The following NXNL2 variants were observed in gnomAD, a reference collection of about 807,000 sequenced individuals.
NXNL2 encodes nucleoredoxin like 2.
NXNL2 carries 7 observed loss-of-function variants against 11.1 expected under a neutral mutation model. The observed-to-expected ratio is 0.63, with a 90% CI of 0.36 to 1.18. NXNL2 has a LOEUF of 1.18. Ranked by LOEUF, NXNL2 falls within the 50% of genes most tolerant of loss-of-function variation. The pLI is 0.02. For synonymous variants in NXNL2, 109 were observed against 101.8 expected (o/e 1.07, Z -0.42); for missense variants, 233 against 217.7 (o/e 1.07, Z -0.44).
exon 3 of NXNL2, chr9:88,575,188 G>A (rs368227854): frequency 4.1e-6 from 4 of 984,040 alleles, no homozygotes; most frequent in South Asian, 4.7e-5. Context: ...TGCATTCTGC[G>A]AGTCTGTGCT....
In NXNL2 at chr9:88,554,876, C is replaced by T. The variant is rs191785115; in HGVS notation, c.303-16211C>T. Among the ~76,000 whole-genome samples the T allele has an allele frequency of 1.6e-4, 24 of 152,286 alleles. No homozygotes were observed. In the East Asian group the frequency reaches 3.7e-3, roughly 23 times the overall value. The stretch of plus-strand genomic sequence containing the variant: ...GAACTTAAGCCTGGAGACTGAGTCA[C>T]GTAGCATGTTGTTTGCAATTCTGCT... On this transcript the variant is annotated intron_variant, in intron 1 of 2. Transcript: ENST00000375855.
At chr9:88,580,407 G>A (rs1830396071), downstream of NXNL2, among the ~76,000 whole-genome samples, 2 of 151,896 alleles carry the variant, frequency 1.3e-5, no homozygotes, top group African/African-American at 2.4e-5. Flanking sequence ...CACCTGCCTC[G>A]GTCTTCCAAA....
At chr9:88,575,273 AGC>A (rs1830333658) in exon 3 of NXNL2, 1 of 521,206 alleles carries the variant, frequency 1.9e-6, no homozygotes, top group South Asian at 8.6e-5. Context: ...AGGAAAAGGA[AGC>A]CAGTATATTG....
In NXNL2 at chr9:88,572,222, C is replaced by T. The variant is rs553214466; in HGVS notation, c.*16+1014C>T. The stretch of plus-strand genomic sequence containing the variant: ...TGGGGCGTGCACTCATTCATTCACT[C>T]GATTGTATTACTGGGGGCTTTCTCT... On this transcript the variant is annotated intron_variant, in intron 2 of 2. Coordinates refer to the NXNL2 transcript ENST00000375855. Among the ~76,000 whole-genome samples, 4 of 152,252 alleles carry T rather than the reference C, an allele frequency of 2.6e-5. No homozygotes were observed. In the East Asian group the frequency reaches 7.7e-4, roughly 29 times the overall value.
intron 1 of NXNL2, among the ~76,000 whole-genome samples, chr9:88,566,995 T>TCTATCTATCTATCTATCTATCTAC (rs1554706805): frequency 0.034 from 5,175 of 150,330 alleles, 220 homozygotes; most frequent in African/African-American, 0.095. Context: ...TATCTATCTA[T>TCTATCTATCTATCTATCTATCTAC]CTATCTATCT....
downstream of NXNL2, among the ~76,000 whole-genome samples, chr9:88,577,064 G>T (rs1478253903): frequency 6.6e-6 from 1 of 152,122 alleles, no homozygotes; most frequent in Non-Finnish European, 1.5e-5. Flanking sequence ...AGGTGTCCTG[G>T]CCATGAGGAG....
intron 1 of NXNL2, among the ~76,000 whole-genome samples, chr9:88,568,130 G>A (rs1323610738): frequency 2.0e-5 from 3 of 152,172 alleles, no homozygotes; most frequent in Admixed American, 6.5e-5. Flanking sequence ...AGATGATCAA[G>A]TACACAGAAT....
At chr9:88,580,963 C>T (rs576987094) in intron 1 of NXNL2, among the ~76,000 whole-genome samples, 1 of 152,088 alleles carries the variant, frequency 6.6e-6, no homozygotes. Flanking sequence ...TTATTTTTTG[C>T]AAGAATATCA....
At chr9:88,564,055 A>T (rs12345963) in intron 1 of NXNL2, among the ~76,000 whole-genome samples, 1 of 151,908 alleles carries the variant, frequency 6.6e-6, no homozygotes, top group Non-Finnish European at 1.5e-5. Context: ...TACTAAAAAT[A>T]AAAAAATTAG....
chr9:88,560,079 C>G (rs1341285024), intron 1 of NXNL2, among the ~76,000 whole-genome samples: 1 of 152,046 alleles, frequency 6.6e-6, no homozygotes, highest in African/African-American at 2.4e-5. Flanking sequence ...GCAGAGTATT[C>G]CTGTCTTTTA....
chr9:88,543,754 G>T (rs769607180), intron 1 of NXNL2, among the ~76,000 whole-genome samples: 1 of 152,156 alleles, frequency 6.6e-6, no homozygotes, highest in African/African-American at 2.4e-5. Flanking sequence ...AGTTCCTTAG[G>T]CACACTAGCC....
chr9:88,540,878 G>C lies in NXNL2; in HGVS notation c.303-3501G>C, dbSNP rs559489300. On this transcript the variant is annotated intron_variant, in intron 1 of 1. Transcript: ENST00000375854. The stretch of plus-strand genomic sequence containing the variant: ...ACTGGGCCTGTGTAATGACCAGGTT[G>C]GCCTCATTTTTGATATTCTTGTGCC... Among the ~76,000 whole-genome samples, 267 of 149,906 alleles carry C rather than the reference G, an allele frequency of 1.8e-3. 2 individuals are homozygous for C. Among genetic ancestry groups the C allele is most frequent in the African/African-American group, 6.1e-3 (248 of 40,378 alleles).
At chr9:88,582,118 C>T (rs553778024) in intron 1 of NXNL2, among the ~76,000 whole-genome samples, 1 of 152,304 alleles carries the variant, frequency 6.6e-6, no homozygotes, top group South Asian at 2.1e-4. Context: ...TTTTGCTACT[C>T]TCTAGTCCTA....
At chr9:88,540,915 T>A (rs1829743461) in intron 1 of NXNL2, among the ~76,000 whole-genome samples, 1 of 149,256 alleles carries the variant, frequency 6.7e-6, no homozygotes, top group Non-Finnish European at 1.5e-5. Context: ...TCTCTCTTTT[T>A]CCTTGCTCAA....
chr9:88,559,349 A>G (rs1311678671), intron 1 of NXNL2, among the ~76,000 whole-genome samples: 3 of 152,160 alleles, frequency 2.0e-5, no homozygotes, highest in Admixed American at 2.0e-4. Flanking sequence ...GGCACCCATG[A>G]TGCTGGGCTC....
intron 1 of NXNL2, chr9:88,538,434 T>C (rs1475880905): frequency 6.6e-6 from 1 of 152,234 alleles, no homozygotes; most frequent in Non-Finnish European, 1.5e-5. Flanking sequence ...AGCCAGAAGA[T>C]GGTGTCAAGG....
At chr9:88,545,663 G>A (rs1469091743), downstream of NXNL2, among the ~76,000 whole-genome samples, 1 of 152,088 alleles carries the variant, frequency 6.6e-6, no homozygotes, top group Non-Finnish European at 1.5e-5. Context: ...GACTAAGGAT[G>A]CATTTACACT....
At chr9:88,576,411 C>T (rs1587857996), downstream of NXNL2, among the ~76,000 whole-genome samples, 1 of 152,274 alleles carries the variant, frequency 6.6e-6, no homozygotes. Context: ...CCAGCTCCCA[C>T]GTGGGCCAGG....
chr9:88,545,930 C>T (rs1480956498), downstream of NXNL2, among the ~76,000 whole-genome samples: 4 of 151,964 alleles, frequency 2.6e-5, no homozygotes, highest in Non-Finnish European at 5.9e-5. Flanking sequence ...CCACGCCCAG[C>T]GAATTTTTGT....
Sources: allele counts gnomAD v4.1 joint callset (sites outside exome capture counted in the v4.1 genomes callset), GRCh38; gene constraint gnomAD v4.1.1; transcripts MANE v1.5; gene names NCBI Gene and HGNC (gene_info 2026-07-23, HGNC 2026-07-21).